Variants in KHDRBS2 observed in about 807,000 individuals in gnomAD.
KHDRBS2 encodes KH RNA binding domain containing, signal transduction associated 2.
In KHDRBS2, 26 loss-of-function variants were observed where a neutral mutation model predicts 44.3. The ratio of observed to expected loss-of-function variants is 0.59; its 90% CI spans 0.43 to 0.81. KHDRBS2 has a LOEUF of 0.81. Ranked by LOEUF, KHDRBS2 falls within the 40% of genes least tolerant of loss-of-function variation. The pLI is 0.00. For missense variants in KHDRBS2, 476 were observed against 433.1 expected, an observed-to-expected ratio of 1.10 and a Z score of -0.88; for synonymous variants, 194 against 151.1, an observed-to-expected ratio of 1.28 and a Z score of -2.08.
chr6:62,017,918 ACAT>A (rs1287337356), intron 3 of KHDRBS2, among the ~76,000 whole-genome samples: 1 of 152,068 alleles, frequency 6.6e-6, no homozygotes, highest in African/African-American at 2.4e-5. Flanking sequence ...AATTTTTCAT[ACAT>A]CAATTTGATA....
chr6:62,127,457 G>A (rs896489414), intron 2 of KHDRBS2, among the ~76,000 whole-genome samples: 1 of 152,056 alleles, frequency 6.6e-6, no homozygotes, highest in Non-Finnish European at 1.5e-5. Context: ...TTATCTCTGA[G>A]TTGGTCAAAT....
intron 2 of KHDRBS2, among the ~76,000 whole-genome samples, chr6:62,099,983 T>C (rs1370915302): frequency 6.6e-6 from 1 of 152,226 alleles, no homozygotes; most frequent in Non-Finnish European, 1.5e-5. Flanking sequence ...CAGATAGTGA[T>C]TTCTCTGATG....
At chr6:61,715,771 G>C (rs1032302837) in intron 7 of KHDRBS2, among the ~76,000 whole-genome samples, 10 of 146,844 alleles carry the variant, frequency 6.8e-5, no homozygotes, top group African/African-American at 2.6e-4. Flanking sequence ...CTGTGCCTTT[G>C]GAAGAATTTC....
chr6:61,702,848 T>G (rs1340106088), intron 7 of KHDRBS2, among the ~76,000 whole-genome samples: 2 of 151,914 alleles, frequency 1.3e-5, no homozygotes, highest in Non-Finnish European at 2.9e-5. Flanking sequence ...GTGTCTAAGG[T>G]CTAGAAGTCA....
intron 6 of KHDRBS2, among the ~76,000 whole-genome samples, chr6:61,839,849 T>C (rs1314849741): frequency 7.2e-5 from 11 of 152,080 alleles, no homozygotes; most frequent in Non-Finnish European, 1.2e-4. Context: ...GAAAGAAATA[T>C]GAAGGAGAAA....
In KHDRBS2 at chr6:62,109,027, G is replaced by A. The variant is rs192690373; in HGVS notation, c.220-61033C>T. The stretch of plus-strand genomic sequence containing the variant: ...ACGAGTTAATGGGTGCAGCACACCA[G>A]CATGGCACATGTATACATATGTAAC... On this transcript the variant is annotated intron_variant, in intron 2 of 8. Transcript: ENST00000281156. Among the ~76,000 whole-genome samples the A allele has an allele frequency of 7.6e-3, 1,148 of 151,468 alleles. 8 individuals carry two copies. The highest frequency in any genetic ancestry group is 0.021 in the Middle Eastern group (6 of 292).
chr6:62,044,351 C>T (rs1294609620), intron 3 of KHDRBS2, among the ~76,000 whole-genome samples: 1 of 151,854 alleles, frequency 6.6e-6, no homozygotes, highest in Non-Finnish European at 1.5e-5. Context: ...TGGCGTTCAC[C>T]TGTAGTCCCA....
At chr6:61,655,673 C>T in the KHDRBS2 span, among the ~76,000 whole-genome samples, 2 of 152,056 alleles carry the variant, frequency 1.3e-5, no homozygotes, top group African/African-American at 4.8e-5. Context: ...TAGAAATGCT[C>T]ATCACAGAAG....
intron 2 of KHDRBS2, among the ~76,000 whole-genome samples, chr6:62,099,623 C>T (rs1255129399): frequency 6.6e-6 from 1 of 152,146 alleles, no homozygotes; most frequent in Non-Finnish European, 1.5e-5. Flanking sequence ...GGTGAAGGGC[C>T]AGCACTGGGC....
At chr6:61,803,830 C>T (rs546453184) in intron 6 of KHDRBS2, among the ~76,000 whole-genome samples, 6 of 152,042 alleles carry the variant, frequency 3.9e-5, no homozygotes, top group East Asian at 1.9e-4. Context: ...AGATCTTGTG[C>T]GAACTCACTC....
At chr6:62,083,655 C>T (rs1364400708) in intron 2 of KHDRBS2, among the ~76,000 whole-genome samples, 1 of 152,178 alleles carries the variant, frequency 6.6e-6, no homozygotes, top group Non-Finnish European at 1.5e-5. Context: ...TACCTCTGCA[C>T]CCACTCACCT....
chr6:62,161,554 C>A, intron 2 of KHDRBS2, among the ~76,000 whole-genome samples: 1 of 110,650 alleles, frequency 9.0e-6, no homozygotes, highest in Admixed American at 1.4e-4. Flanking sequence ...ACTTGAGCAT[C>A]CGAGAATTTT....
At chr6:62,163,565 C>T (rs1818075907) in intron 2 of KHDRBS2, among the ~76,000 whole-genome samples, 1 of 151,978 alleles carries the variant, frequency 6.6e-6, no homozygotes, top group South Asian at 2.1e-4. Flanking sequence ...TCACTTAGCA[C>T]CAGAGGAGAA....
At chr6:61,953,744 G>A (rs531930131) in intron 4 of KHDRBS2, among the ~76,000 whole-genome samples, 1 of 152,256 alleles carries the variant, frequency 6.6e-6, no homozygotes, top group African/African-American at 2.4e-5. Context: ...CACTGTTGGA[G>A]AGAGATAGTG....
chr6:61,577,133 G>GT, the KHDRBS2 span, among the ~76,000 whole-genome samples: 22 of 149,862 alleles, frequency 1.5e-4, no homozygotes, highest in Middle Eastern at 3.2e-3. Context: ...CTCAGTTTTT[G>GT]TTTTTTTTGT....
At chr6:61,602,748 GTATTGATGGCCAGGCTTCTAAACCTC>G in the KHDRBS2 span, among the ~76,000 whole-genome samples, 1 of 152,076 alleles carries the variant, frequency 6.6e-6, no homozygotes, top group African/African-American at 2.4e-5. Context: ...ACTGTTGTGG[GTATTGATGGCCAGGCTTCTAAACCTC>G]TTAAAACTCC....
intron 4 of KHDRBS2, among the ~76,000 whole-genome samples, chr6:61,907,939 G>A (rs1245849839): frequency 6.6e-6 from 1 of 152,082 alleles, no homozygotes; most frequent in Non-Finnish European, 1.5e-5. Context: ...TCCAAGTTTA[G>A]CTTGGAAACA....
intron 3 of KHDRBS2, among the ~76,000 whole-genome samples, chr6:61,980,147 A>G (rs1257280906): frequency 6.6e-6 from 1 of 152,176 alleles, no homozygotes; most frequent in Non-Finnish European, 1.5e-5. Context: ...TCGGAATCAC[A>G]TCTTCCATAA....
In KHDRBS2 at chr6:61,697,289, A is replaced by G. The variant is rs145961347; in HGVS notation, c.894-36T>C. 864 of 1,368,330 alleles carry G rather than the reference A, an allele frequency of 6.3e-4. 4 individuals are homozygous for G. The African/African-American group carries it at 0.011, about 17-fold the overall frequency. 84.8% of individuals were successfully genotyped at this position (1,368,330 alleles called of 1,614,324 possible). On this transcript the variant is annotated intron_variant, in intron 7 of 8. Coordinates refer to ENST00000281156, the MANE Select transcript of KHDRBS2 (RefSeq NM_152688.4). ...TTTAGATAGCAATCAATGTTACTAT[A>G]ACCAGGAAATTCAACCCAGAAACTC...
Sources: gnomAD v4.1 joint callset for allele counts (sites outside exome capture counted in the v4.1 genomes callset) on GRCh38, gnomAD v4.1.1 for gene constraint, MANE v1.5 for transcripts, NCBI Gene and HGNC (gene_info 2026-07-23, HGNC 2026-07-21) for gene names.